Variants in CPNE5 observed in about 807,000 individuals in gnomAD.
CPNE5 encodes the protein copine-5.
A neutral mutation model predicts 81.1 loss-of-function variants in CPNE5; 42 were observed. The observed-to-expected ratio is 0.52, with a 90% CI of 0.40 to 0.67. CPNE5 has a LOEUF of 0.67. Among genes scored for constraint, CPNE5 ranks in the 30% least tolerant of loss-of-function variants. The probability of loss-of-function intolerance (pLI) is 0.00; values close to 1 mark genes in which losing one functional copy is unlikely to be tolerated. For synonymous variants in CPNE5, 313 were observed against 321.5 expected, an observed-to-expected ratio of 0.97 and a Z score of 0.28; for missense variants, 612 against 815.5, an observed-to-expected ratio of 0.75 and a Z score of 3.04.
Position 36,746,175 on chromosome 6 carries a change from C to G in CPNE5, c.1200+221G>C. The G allele has an allele frequency of 3.0e-6, 3 of 985,416 alleles. No individual in the cohort carries two copies. Among genetic ancestry groups the G allele is most frequent in the Non-Finnish European group, 3.6e-6 (3 of 829,920 alleles). 61.0% of individuals were successfully genotyped at this position (985,416 alleles called of 1,614,324 possible). A position where few individuals can be genotyped will look rare whatever the true frequency, so the allele number is the denominator to read the frequency against. On this transcript the variant is annotated intron_variant, in intron 16 of 20. Coordinates refer to ENST00000244751, the MANE Select transcript of CPNE5 (RefSeq NM_020939.2). The surrounding 1 kb of genome is among the most constrained non-coding windows in gnomAD (Gnocchi z 4.5). ...CTTGTCAGGAACAAGGAAGCCAGGG[C>G]CAGCTGTGGGCAGGCAGCTTCAGAC...
Position 36,746,661 on chromosome 6 carries a change from G to T in CPNE5, c.1019-84C>A. 1 of 1,259,620 alleles carries T rather than the reference G, an allele frequency of 7.9e-7. No individual in the cohort carries two copies. Among genetic ancestry groups the T allele is most frequent in the East Asian group, 2.6e-5 (1 of 38,586 alleles). 78.0% of individuals were successfully genotyped at this position (1,259,620 alleles called of 1,614,324 possible). ...CAGAATGAAGAAGGGGGTGTCCAAG[G>T]GCACCCCTAACTTTTATTAATTCTT... is the stretch of plus-strand genomic sequence containing the variant. On this transcript the variant is annotated intron_variant, in intron 15 of 20. Transcript: ENST00000244751. This position sits in a 1 kb window ranked among gnomAD's most constrained non-coding sequence, Gnocchi z 4.5.
chr6:36,756,775 T>TC (rs1765517692), intron 12 of CPNE5, among the ~76,000 whole-genome samples: 1 of 152,138 alleles, frequency 6.6e-6, no homozygotes. Context: ...CCCCTCTCCA[T>TC]CACCATCCCT....
intron 13 of CPNE5, 82 bp from the exon 14 acceptor site, chr6:36,753,177 G>T: frequency 1.7e-6 from 2 of 1,155,364 alleles, no homozygotes; most frequent in African/African-American, 1.5e-5. Flanking sequence ...GACATTGACA[G>T]AACACTCGGC....
rs115087008 is a variant in CPNE5, at chr6:36,751,246, C to T, written c.971+1788G>A. ...AGCTCAGCCTCTGAGGGCTCCTTTT[C>T]GATGAAACCTCACAGCATCCAGCCC... On this transcript the variant is annotated intron_variant, in intron 14 of 20. Transcript: ENST00000244751. Among the ~76,000 whole-genome samples the T allele has an allele frequency of 4.6e-3, 696 of 152,338 alleles. 7 individuals carry two copies. The highest frequency in any genetic ancestry group is 0.015 in the African/African-American group (620 of 41,568).
Position 36,744,336 on chromosome 6 carries a change from G to A in CPNE5, c.1432-11C>T, listed in dbSNP as rs1399912564. 4.4e-6 allele frequency: 7 copies of A among 1,576,476 alleles called. No homozygotes were observed. The highest frequency in any genetic ancestry group is 1.9e-5 in the Admixed American group (1 of 52,664). On this transcript the variant is annotated splice_polypyrimidine_tract_variant and intron_variant, in intron 18 of 20. Transcript: ENST00000244751. ...GGGGAGCTTGGCAGCCTGGGAGACA[G>A]CATGGGGGGCAGGGAAAGGTTGGAC...
chr6:36,773,893 C>T (rs1363275452), intron 10 of CPNE5, among the ~76,000 whole-genome samples: 1 of 152,026 alleles, frequency 6.6e-6, no homozygotes, highest in Non-Finnish European at 1.5e-5. Flanking sequence ...GGTGAAACCC[C>T]ATGTCCACCA....
rs746867705 is a variant in CPNE5, at chr6:36,746,302, C to T, written c.1200+94G>A. 2.4e-5 allele frequency: 35 copies of T among 1,471,430 alleles called. No individual in the cohort carries two copies. The highest frequency in any genetic ancestry group is 1.3e-4 in the Admixed American group (6 of 44,644). 91.1% of individuals were successfully genotyped at this position (1,471,430 alleles called of 1,614,324 possible). The stretch of plus-strand genomic sequence containing the variant: ...CCACTGAGGCTGAGCCTTAAGTCCC[C>T]GGGCTCAGAGGAAGGGAAACGTCCC... On this transcript the variant is annotated intron_variant, in intron 16 of 20. Coordinates refer to ENST00000244751, the MANE Select transcript of CPNE5 (RefSeq NM_020939.2). The surrounding 1 kb of genome is among the most constrained non-coding windows in gnomAD (Gnocchi z 4.5).
At chr6:36,820,380 C>T (rs113241315) in intron 3 of CPNE5, among the ~76,000 whole-genome samples, 2,272 of 129,720 alleles carry the variant, frequency 0.018, 76 homozygotes, top group African/African-American at 0.063. Flanking sequence ...CTCGCTCTGT[C>T]GCCCAGGCTG....
chr6:36,756,111 CCATCT>C, intron 13 of CPNE5, 129 bp downstream of exon 13: 5 of 520,742 alleles, frequency 9.6e-6, no homozygotes, highest in South Asian at 6.0e-5. Flanking sequence ...CCTCCCCACC[CCATCT>C]CTCTTGGATG....
chr6:36,763,351 C>T (rs1766237968), intron 11 of CPNE5, among the ~76,000 whole-genome samples: 1 of 152,046 alleles, frequency 6.6e-6, no homozygotes, highest in Non-Finnish European at 1.5e-5. Flanking sequence ...GCCTATAATC[C>T]CAGCACTTTG....
chr6:36,839,218 G>C lies in CPNE5; in HGVS notation c.95+65C>G. On this transcript the variant is annotated intron_variant, in intron 1 of 20. Transcript: ENST00000244751. The surrounding 1 kb of genome is among the most constrained non-coding windows in gnomAD (Gnocchi z 7.3). ...GCGCGCGGAGGTTTAGGATCGAAGCGGCAGGGGCCGCGGGGCTCTGCGTCC... is the reference window on the plus strand; with the variant it reads ...GCGCGCGGAGGTTTAGGATCGAAGCCGCAGGGGCCGCGGGGCTCTGCGTCC... The C allele has an allele frequency of 8.1e-7, 1 of 1,240,206 alleles. No homozygotes were observed. Among genetic ancestry groups the C allele is most frequent in the Non-Finnish European group, 1.1e-6 (1 of 900,104 alleles). 76.8% of individuals were successfully genotyped at this position (1,240,206 alleles called of 1,614,324 possible).
At chr6:36,795,624 AAAAG>A (rs1279175752) in intron 6 of CPNE5, among the ~76,000 whole-genome samples, 1 of 152,218 alleles carries the variant, frequency 6.6e-6, no homozygotes, top group Admixed American at 6.5e-5. Flanking sequence ...ACAGAGATGA[AAAAG>A]AAGACAGCCA....
intron 3 of CPNE5, among the ~76,000 whole-genome samples, chr6:36,817,685 G>A (rs1771669489): frequency 6.6e-6 from 1 of 152,182 alleles, no homozygotes; most frequent in Non-Finnish European, 1.5e-5. Context: ...AAGAAAGACT[G>A]ACCCAAGTTG....
rs549308172 is a variant in CPNE5, at chr6:36,804,033, G to A, written c.184-3963C>T. Among the ~76,000 whole-genome samples, 10 of 152,276 alleles carry A rather than the reference G, an allele frequency of 6.6e-5. No individual in the cohort carries two copies. The South Asian group carries it at 2.1e-3, about 32-fold the overall frequency. Reference sequence around the variant, plus strand: ...CTCAATAGCTTAAGTGCATCATTAAGTTATTTCATTCAATTCTCACAAAAA... The same window carrying A: ...CTCAATAGCTTAAGTGCATCATTAAATTATTTCATTCAATTCTCACAAAAA... On this transcript the variant is annotated intron_variant, in intron 3 of 20. Transcript: ENST00000244751.
chr6:36,822,081 G>A, intron 3 of CPNE5, 33 bp downstream of exon 3: 1 of 1,511,528 alleles, frequency 6.6e-7, no homozygotes, highest in Non-Finnish European at 8.9e-7. Context: ...GGAACAGGCT[G>A]GTGTTTCTGG....
intron 9 of CPNE5, among the ~76,000 whole-genome samples, chr6:36,777,239 C>T (rs1268877832): frequency 5.3e-5 from 8 of 151,958 alleles, no homozygotes; most frequent in Admixed American, 5.2e-4. Flanking sequence ...CCTTTTGCCC[C>T]CTTCCTCCCC....
At chr6:36,755,836 G>A (rs1765386385) in intron 13 of CPNE5, 2 of 200,624 alleles carry the variant, frequency 1.0e-5, no homozygotes, top group South Asian at 2.0e-4. Flanking sequence ...CCTTGGCTGA[G>A]TCACTTTCCT....
chr6:36,800,101 G>T, intron 3 of CPNE5, 31 bp from the exon 4 acceptor site: 1 of 1,559,126 alleles, frequency 6.4e-7, no homozygotes, highest in African/African-American at 1.3e-5. Context: ...TGAACCTCAG[G>T]GCCGGGCTGG....
intron 12 of CPNE5, among the ~76,000 whole-genome samples, chr6:36,762,514 A>G (rs150576139): frequency 3.3e-5 from 5 of 152,170 alleles, no homozygotes; most frequent in Non-Finnish European, 7.3e-5. Context: ...AACAGGTAAG[A>G]TACTCAGCAG....
Sources: allele counts gnomAD v4.1 joint callset (sites outside exome capture counted in the v4.1 genomes callset), GRCh38; gene constraint gnomAD v4.1.1; non-coding constraint Gnocchi (gnomAD v3.1); transcripts MANE v1.5; gene names NCBI Gene and HGNC (gene_info 2026-07-23, HGNC 2026-07-21).